RNLS: variants seen among roughly 807,000 people sequenced by gnomAD.
RNLS encodes renalase.
In RNLS, 39 loss-of-function variants were observed where a neutral mutation model predicts 39.8. The ratio of observed to expected loss-of-function variants is 0.98; its 90% CI spans 0.76 to 1.28. The LOEUF is 1.28. Among genes scored for constraint, RNLS ranks in the 50% most tolerant of loss-of-function variants. RNLS has a pLI of 0.00. For missense variants in RNLS, 410 were observed against 413.3 expected (o/e 0.99, Z 0.07); for synonymous variants, 147 against 150.7 (o/e 0.98, Z 0.18).
chr10:88,216,859 G>A, the RNLS span, among the ~76,000 whole-genome samples: 1 of 152,208 alleles, frequency 6.6e-6, no homozygotes, highest in African/African-American at 2.4e-5. Flanking sequence ...CCAACTCCAC[G>A]ATGCTGCAGT....
the RNLS span, among the ~76,000 whole-genome samples, chr10:88,220,251 G>T: frequency 1.3e-5 from 2 of 152,188 alleles, no homozygotes; most frequent in African/African-American, 4.8e-5. Flanking sequence ...TATATACTTT[G>T]TTTTGAAATC....
chr10:88,572,429 A>C (rs1849890432), intron 4 of RNLS, among the ~76,000 whole-genome samples: 1 of 152,110 alleles, frequency 6.6e-6, no homozygotes, highest in Non-Finnish European at 1.5e-5. Context: ...CTTCAGCAAA[A>C]TTTACTCATC....
At chr10:88,469,835 G>A (rs1395230765) in intron 4 of RNLS, among the ~76,000 whole-genome samples, 3 of 150,972 alleles carry the variant, frequency 2.0e-5, no homozygotes, top group African/African-American at 7.3e-5. Flanking sequence ...GTGTGTGTGT[G>A]TGTGTGTGTG....
At chr10:88,377,186 CTGTG>C (rs369925695) in intron 4 of RNLS, among the ~76,000 whole-genome samples, 1 of 151,690 alleles carries the variant, frequency 6.6e-6, no homozygotes, top group Non-Finnish European at 1.5e-5. Context: ...CTCCACATCT[CTGTG>C]TGTGTGTGTC....
intron 4 of RNLS, among the ~76,000 whole-genome samples, chr10:88,429,388 A>G (rs1475666737): frequency 6.6e-6 from 1 of 151,964 alleles, no homozygotes; most frequent in Non-Finnish European, 1.5e-5. Flanking sequence ...CATACAAACA[A>G]AAAGAATTCC....
chr10:88,492,967 A>G (rs2576173), intron 4 of RNLS, among the ~76,000 whole-genome samples: 127,230 of 152,148 alleles, frequency 0.84, 53,597 homozygotes, highest in East Asian at 1. Context: ...TGAAAATGAC[A>G]AAATGTATGA....
At chr10:88,557,279 G>A (rs571418995) in intron 4 of RNLS, among the ~76,000 whole-genome samples, 3 of 152,118 alleles carry the variant, frequency 2.0e-5, no homozygotes, top group Non-Finnish European at 4.4e-5. Flanking sequence ...AATTTTAGGA[G>A]AGATCAACAT....
At chr10:88,232,919 T>C in the RNLS span, among the ~76,000 whole-genome samples, 1 of 152,232 alleles carries the variant, frequency 6.6e-6, no homozygotes. Flanking sequence ...GTACCTACTA[T>C]GGGTCAGGCA....
intron 4 of RNLS, among the ~76,000 whole-genome samples, chr10:88,523,824 T>C (rs1846906630): frequency 6.6e-6 from 1 of 152,084 alleles, no homozygotes; most frequent in South Asian, 2.1e-4. Context: ...AATTTATAAA[T>C]TCACTCCTTC....
chr10:88,416,010 A>G (rs1854001446), intron 4 of RNLS, among the ~76,000 whole-genome samples: 1 of 152,076 alleles, frequency 6.6e-6, no homozygotes, highest in African/African-American at 2.4e-5. Flanking sequence ...AGTTAGCATG[A>G]CAAAGCCTAT....
intron 4 of RNLS, among the ~76,000 whole-genome samples, chr10:88,524,978 TATATATATATATATATATATACAC>T (rs1847019721): frequency 7.6e-6 from 1 of 132,036 alleles, no homozygotes; most frequent in Non-Finnish European, 1.6e-5. Flanking sequence ...TATATATATA[TATATATATATATATATATATACAC>T]ACACACACAT....
intron 4 of RNLS, among the ~76,000 whole-genome samples, chr10:88,484,897 C>T (rs915738937): frequency 7.2e-5 from 11 of 151,950 alleles, no homozygotes; most frequent in African/African-American, 2.7e-4. Context: ...GTATTTATAT[C>T]TTCAATTTTG....
At chr10:88,421,399 C>T (rs1170585487) in intron 4 of RNLS, among the ~76,000 whole-genome samples, 1 of 152,206 alleles carries the variant, frequency 6.6e-6, no homozygotes, top group African/African-American at 2.4e-5. Flanking sequence ...CAACATATTG[C>T]TGTTTACCCA....
intron 4 of RNLS, among the ~76,000 whole-genome samples, chr10:88,400,687 A>G (rs1351848172): frequency 6.6e-6 from 1 of 151,998 alleles, no homozygotes; most frequent in Non-Finnish European, 1.5e-5. Flanking sequence ...TATAAAATAC[A>G]TGTATCTTGA....
chr10:88,271,285 G>A (rs1198555200), downstream of RNLS, among the ~76,000 whole-genome samples: 1 of 152,210 alleles, frequency 6.6e-6, no homozygotes, highest in Non-Finnish European at 1.5e-5. Flanking sequence ...GTTTACCAGT[G>A]GCACTTCCCA....
At chr10:88,517,053 A>G (rs1005753164) in intron 4 of RNLS, among the ~76,000 whole-genome samples, 1 of 151,996 alleles carries the variant, frequency 6.6e-6, no homozygotes, top group African/African-American at 2.4e-5. Context: ...TATGATCTGG[A>G]GGTGACATGG....
downstream of RNLS, among the ~76,000 whole-genome samples, chr10:88,270,644 A>G (rs1219039978): frequency 6.6e-6 from 1 of 152,200 alleles, no homozygotes; most frequent in African/African-American, 2.4e-5. Context: ...TAAACACTCC[A>G]TAATGTTTGC....
chr10:88,232,814 TAAGTCTC>T, the RNLS span, among the ~76,000 whole-genome samples: 1,048 of 152,362 alleles, frequency 6.9e-3, 6 homozygotes, highest in Middle Eastern at 0.014. Context: ...CCTGCATTTC[TAAGTCTC>T]AGGCTCAAGT....
chr10:88,236,657 G>A, the RNLS span, among the ~76,000 whole-genome samples: 12 of 152,174 alleles, frequency 7.9e-5, no homozygotes, highest in Admixed American at 3.3e-4. Flanking sequence ...TGTGCATCAT[G>A]CCGTTATTTC....
Sources: gnomAD v4.1 joint callset for allele counts (sites outside exome capture counted in the v4.1 genomes callset) on GRCh38, gnomAD v4.1.1 for gene constraint, MANE v1.5 for transcripts, NCBI Gene and HGNC (gene_info 2026-07-23, HGNC 2026-07-21) for gene names.